Variants in VMP1 observed in about 807,000 individuals in gnomAD.
VMP1 encodes ectopic P-granules autophagy protein 3 homolog.
A neutral mutation model predicts 56.0 loss-of-function variants in VMP1; 11 were observed. The ratio of observed to expected loss-of-function variants is 0.20; its 90% CI spans 0.12 to 0.32. The LOEUF (loss-of-function observed/expected upper bound fraction) is 0.32. Ranked by LOEUF, VMP1 falls within the 10% of genes least tolerant of loss-of-function variation. The probability of loss-of-function intolerance (pLI) is 1.00; values close to 1 mark genes in which losing one functional copy is unlikely to be tolerated. For missense variants in VMP1, 296 were observed against 490.3 expected (o/e 0.60, Z 3.74); for synonymous variants, 149 against 165.0 (o/e 0.90, Z 0.74).
At chr17:59,725,752 T>G (rs973998917) in intron 1 of VMP1, among the ~76,000 whole-genome samples, 1 of 152,234 alleles carries the variant, frequency 6.6e-6, no homozygotes, top group African/African-American at 2.4e-5. Context: ...CTGGGTTATT[T>G]CTTACAAAAC....
chr17:59,794,011 C>A (rs2037336241), intron 7 of VMP1, among the ~76,000 whole-genome samples: 1 of 151,568 alleles, frequency 6.6e-6, no homozygotes, highest in Non-Finnish European at 1.5e-5. Flanking sequence ...AGCTCCGCCT[C>A]CCAGGTTCAT....
chr17:59,809,386 G>A (rs1272006397), intron 8 of VMP1, among the ~76,000 whole-genome samples: 2 of 132,442 alleles, frequency 1.5e-5, no homozygotes, highest in East Asian at 4.4e-4. Flanking sequence ...GCACAATCTC[G>A]GCTCACTGCA....
chr17:59,797,738 G>T (rs938013998), intron 7 of VMP1, among the ~76,000 whole-genome samples: 2 of 152,230 alleles, frequency 1.3e-5, no homozygotes, highest in Admixed American at 1.3e-4. Context: ...AATTAGCTGG[G>T]TGTGGTGGCA....
intron 5 of VMP1, among the ~76,000 whole-genome samples, chr17:59,748,112 C>T (rs2035500539): frequency 6.8e-6 from 1 of 147,722 alleles, no homozygotes; most frequent in East Asian, 2.1e-4. Flanking sequence ...AGGAGAATGG[C>T]GTGAACCCAG....
At chr17:59,720,076 C>T (rs933306968) in intron 1 of VMP1, among the ~76,000 whole-genome samples, 8 of 152,146 alleles carry the variant, frequency 5.3e-5, no homozygotes, top group South Asian at 2.1e-4. Context: ...TACGTGCACT[C>T]GGTGCAAAGT....
intron 7 of VMP1, among the ~76,000 whole-genome samples, chr17:59,790,443 A>G (rs1025493802): frequency 2.6e-5 from 4 of 152,236 alleles, no homozygotes; most frequent in African/African-American, 9.6e-5. Flanking sequence ...GTAAGTTTAT[A>G]GCCCATCATA....
At chr17:59,720,642 G>A (rs947668374) in intron 1 of VMP1, among the ~76,000 whole-genome samples, 6 of 152,120 alleles carry the variant, frequency 3.9e-5, no homozygotes, top group Non-Finnish European at 5.9e-5. Flanking sequence ...AACATTAAGC[G>A]ACTGCTATGT....
intron 1 of VMP1, chr17:59,708,225 C>G (rs901384086): frequency 1.3e-5 from 2 of 152,248 alleles, no homozygotes; most frequent in African/African-American, 4.8e-5. Flanking sequence ...ATCTAAAGCT[C>G]TGGTGGTACA....
chr17:59,804,443 A>G (rs140408850), intron 7 of VMP1, among the ~76,000 whole-genome samples: 470 of 151,916 alleles, frequency 3.1e-3, no homozygotes, highest in African/African-American at 0.011. Context: ...GTGAAACTCT[A>G]TCTCTACTAA....
rs545964043 is a variant in VMP1, at chr17:59,726,295, T to C, written c.-26-5126T>C. Among the ~76,000 whole-genome samples, 6 of 151,534 alleles carry C rather than the reference T, an allele frequency of 4.0e-5. No homozygotes were observed. In the East Asian group the frequency reaches 1.2e-3, roughly 29 times the overall value. ...TGAACACACATAGTTTTTTTTGTTT[T>C]TTTTTTTGTTTTTTTTGAGATGGAG... On this transcript the variant is annotated intron_variant, in intron 1 of 11. Coordinates refer to ENST00000262291, the MANE Select transcript of VMP1 (RefSeq NM_030938.5).
At chr17:59,762,162 C>T (rs894339168) in intron 5 of VMP1, among the ~76,000 whole-genome samples, 1 of 152,150 alleles carries the variant, frequency 6.6e-6, no homozygotes, top group Non-Finnish European at 1.5e-5. Context: ...GTCTAGTATC[C>T]GTTACTTCAT....
At chr17:59,712,473 A>G (rs1323158441) in intron 1 of VMP1, among the ~76,000 whole-genome samples, 1 of 152,174 alleles carries the variant, frequency 6.6e-6, no homozygotes, top group Non-Finnish European at 1.5e-5. Context: ...ACTTTCTTGG[A>G]ATGGAAAGAT....
At chr17:59,771,327 C>T (rs2036417370) in intron 6 of VMP1, among the ~76,000 whole-genome samples, 1 of 151,926 alleles carries the variant, frequency 6.6e-6, no homozygotes, top group Non-Finnish European at 1.5e-5. Flanking sequence ...CACAAGCTAC[C>T]ATGCCAAGCT....
intron 1 of VMP1, among the ~76,000 whole-genome samples, chr17:59,726,705 G>A (rs1056509091): frequency 1.3e-5 from 2 of 152,166 alleles, no homozygotes; most frequent in African/African-American, 2.4e-5. Flanking sequence ...AACATCCTCA[G>A]TTGATTTTTT....
At chr17:59,820,707 A>G (rs1340247916) in intron 10 of VMP1, among the ~76,000 whole-genome samples, 3 of 152,188 alleles carry the variant, frequency 2.0e-5, no homozygotes, top group African/African-American at 2.4e-5. Flanking sequence ...TCAAAGGCAA[A>G]GATTGTGTCT....
intron 2 of VMP1, among the ~76,000 whole-genome samples, chr17:59,735,118 G>A (rs539491485): frequency 6.6e-6 from 1 of 151,884 alleles, no homozygotes; most frequent in Admixed American, 6.6e-5. Flanking sequence ...CACCATGTTG[G>A]CCAGGCTGGT....
chr17:59,744,600 G>A (rs1248590421), intron 5 of VMP1, among the ~76,000 whole-genome samples: 1 of 149,318 alleles, frequency 6.7e-6, no homozygotes, highest in African/African-American at 2.5e-5. Flanking sequence ...GACCTGCCAG[G>A]GCAACATAAT....
intron 1 of VMP1, among the ~76,000 whole-genome samples, chr17:59,716,717 T>G (rs2034166329): frequency 6.6e-6 from 1 of 152,220 alleles, no homozygotes; most frequent in Non-Finnish European, 1.5e-5. Flanking sequence ...ATTTTTAAAC[T>G]ATAAATCACT....
intron 8 of VMP1, among the ~76,000 whole-genome samples, chr17:59,809,116 C>T (rs1282461741): frequency 6.6e-6 from 1 of 151,286 alleles, no homozygotes; most frequent in Non-Finnish European, 1.5e-5. Flanking sequence ...TCTCCTGTCT[C>T]AGCCTCCCTA....
Sources: gnomAD v4.1 joint callset for allele counts (sites outside exome capture counted in the v4.1 genomes callset) on GRCh38, gnomAD v4.1.1 for gene constraint, MANE v1.5 for transcripts, NCBI Gene and HGNC (gene_info 2026-07-23, HGNC 2026-07-21) for gene names.